Variants in NEGR1 observed in about 807,000 individuals in gnomAD.
NEGR1 encodes the protein neuronal growth regulator 1, also known as IgLON family member 4.
In NEGR1, 10 loss-of-function variants were observed where a neutral mutation model predicts 40.9. The ratio of observed to expected loss-of-function variants is 0.24; its 90% CI spans 0.15 to 0.42. The LOEUF is 0.42. NEGR1 is among the 10% of genes least tolerant of loss of function. The pLI, the probability that NEGR1 is intolerant of heterozygous loss-of-function variation, is 1.00. For missense variants in NEGR1, 352 were observed against 438.9 expected (o/e 0.80, Z 1.77); for synonymous variants, 185 against 166.8 (o/e 1.11, Z -0.84).
chr1:72,180,424 A>G (rs992103239), intron 1 of NEGR1, among the ~76,000 whole-genome samples: 1 of 152,000 alleles, frequency 6.6e-6, no homozygotes, highest in Non-Finnish European at 1.5e-5. Context: ...TTAAAAAAAA[A>G]AATACCAAAA....
intron 1 of NEGR1, among the ~76,000 whole-genome samples, chr1:72,093,649 T>C (rs1307304180): frequency 6.6e-6 from 1 of 152,202 alleles, no homozygotes; most frequent in East Asian, 1.9e-4. Flanking sequence ...GGTGATGTGC[T>C]TCTTTTTTTT....
intron 1 of NEGR1, among the ~76,000 whole-genome samples, chr1:71,978,787 A>C (rs1295482528): frequency 1.3e-5 from 2 of 152,128 alleles, no homozygotes; most frequent in African/African-American, 4.8e-5. Flanking sequence ...TTGTGGAATG[A>C]AGTTCGGCGA....
intron 2 of NEGR1, among the ~76,000 whole-genome samples, chr1:71,877,915 G>A (rs1293085627): frequency 6.6e-6 from 1 of 152,030 alleles, no homozygotes; most frequent in Non-Finnish European, 1.5e-5. Context: ...ATAATTTAAG[G>A]ATTACAGTAA....
chr1:71,864,780 A>G (rs1186196169), intron 2 of NEGR1, among the ~76,000 whole-genome samples: 1 of 152,212 alleles, frequency 6.6e-6, no homozygotes, highest in Non-Finnish European at 1.5e-5. Context: ...GAAGAACTCA[A>G]TTAAAGCAGA....
chr1:72,127,463 CAAAAAAAAAAAAAAAAA>C (rs56301492), intron 1 of NEGR1, among the ~76,000 whole-genome samples: 4 of 39,292 alleles, frequency 1.0e-4, no homozygotes, highest in Non-Finnish European at 1.4e-4. Flanking sequence ...GGCTCTGTCT[CAAAAAAAAAAAAAAAAA>C]AAAAAAAAAA....
At chr1:72,174,707 C>T (rs1456260033) in intron 1 of NEGR1, among the ~76,000 whole-genome samples, 1 of 152,036 alleles carries the variant, frequency 6.6e-6, no homozygotes, top group Non-Finnish European at 1.5e-5. Flanking sequence ...TATAAGCTTG[C>T]ATCCTAATGT....
chr1:71,835,141 G>T (rs1020591936), intron 2 of NEGR1, among the ~76,000 whole-genome samples: 2 of 152,010 alleles, frequency 1.3e-5, no homozygotes, highest in African/African-American at 2.4e-5. Context: ...GTTTCTATCT[G>T]TTTTTCTACT....
intron 1 of NEGR1, among the ~76,000 whole-genome samples, chr1:72,111,089 C>T (rs200686961): frequency 0.39 from 55,344 of 140,658 alleles, 11,397 homozygotes; most frequent in South Asian, 0.53. Flanking sequence ...TATATATACA[C>T]ACACACACAC....
intron 6 of NEGR1, among the ~76,000 whole-genome samples, chr1:71,505,044 T>A (rs547086365): frequency 6.6e-6 from 1 of 151,918 alleles, no homozygotes; most frequent in Non-Finnish European, 1.5e-5. Context: ...CCAGGACAAG[T>A]AGTTTGCAAA....
At chr1:71,602,613 C>CA (rs1557583578) in intron 5 of NEGR1, among the ~76,000 whole-genome samples, 1 of 152,226 alleles carries the variant, frequency 6.6e-6, no homozygotes, top group Non-Finnish European at 1.5e-5. Context: ...TGGCATCCAG[C>CA]AAAAAAGCTA....
At chr1:71,908,747 T>C (rs1356447115) in intron 2 of NEGR1, among the ~76,000 whole-genome samples, 4 of 152,194 alleles carry the variant, frequency 2.6e-5, no homozygotes, top group Admixed American at 2.0e-4. Flanking sequence ...ATTTTAAATA[T>C]ATGCAGTCAA....
chr1:71,479,970 A>T (rs1646844138), intron 6 of NEGR1, among the ~76,000 whole-genome samples: 1 of 151,840 alleles, frequency 6.6e-6, no homozygotes, highest in Admixed American at 6.6e-5. Flanking sequence ...TATAAATTTT[A>T]CTTGGTTATG....
At chr1:71,907,424 G>A (rs997064355) in intron 2 of NEGR1, among the ~76,000 whole-genome samples, 4 of 152,112 alleles carry the variant, frequency 2.6e-5, no homozygotes, top group African/African-American at 7.2e-5. Flanking sequence ...ATATGGAATA[G>A]TCCCTGGGAA....
chr1:72,208,223 A>G (rs1653480071), intron 1 of NEGR1, among the ~76,000 whole-genome samples: 1 of 151,758 alleles, frequency 6.6e-6, no homozygotes, highest in South Asian at 2.1e-4. Flanking sequence ...GTGATTAAAT[A>G]ATGTGGAAAA....
intron 1 of NEGR1, among the ~76,000 whole-genome samples, chr1:72,078,650 T>A (rs1647856324): frequency 6.7e-6 from 1 of 149,362 alleles, no homozygotes; most frequent in African/African-American, 2.4e-5. Flanking sequence ...TATTTATTTT[T>A]TTTTTTGAGA....
chr1:71,431,552 ATC>A (rs1323014012), intron 6 of NEGR1, among the ~76,000 whole-genome samples: 5 of 98,870 alleles, frequency 5.1e-5, no homozygotes, highest in African/African-American at 1.3e-4. Flanking sequence ...CCATCCATCC[ATC>A]CATCTGTTTA....
chr1:71,483,022 A>G (rs1646864047), intron 6 of NEGR1, among the ~76,000 whole-genome samples: 1 of 151,782 alleles, frequency 6.6e-6, no homozygotes, highest in African/African-American at 2.4e-5. Context: ...GCAGCTGGAA[A>G]GCGGATAGTC....
chr1:71,735,075 C>T (rs1372530975), intron 3 of NEGR1, among the ~76,000 whole-genome samples: 1 of 151,982 alleles, frequency 6.6e-6, no homozygotes, highest in Non-Finnish European at 1.5e-5. Flanking sequence ...TAGATGTGGC[C>T]TATTTCTTAA....
chr1:71,667,988 T>A (rs1227232747), intron 4 of NEGR1, among the ~76,000 whole-genome samples: 2 of 152,260 alleles, frequency 1.3e-5, no homozygotes, highest in East Asian at 1.9e-4. Flanking sequence ...TACATATGAA[T>A]GTATTATAAC....
Sources: gnomAD v4.1 joint callset for allele counts (sites outside exome capture counted in the v4.1 genomes callset) on GRCh38, gnomAD v4.1.1 for gene constraint, MANE v1.5 for transcripts, NCBI Gene and HGNC (gene_info 2026-07-23, HGNC 2026-07-21) for gene names.